Variants in FRY observed in about 807,000 individuals in gnomAD.
The protein encoded by FRY is protein furry homolog.
Under a neutral mutation model 348.4 loss-of-function variants are expected in FRY, and 128 were observed. The ratio of observed to expected loss-of-function variants is 0.37; its 90% confidence interval spans 0.32 to 0.43. The LOEUF (loss-of-function observed/expected upper bound fraction) is 0.43, where lower values mean the gene tolerates loss of function less well. Among genes scored for constraint, FRY ranks in the 20% least tolerant of loss-of-function variants. FRY has a pLI of 1.00. For missense variants in FRY, 2,736 were observed against 3,695.2 expected (o/e 0.74, Z 6.73); for synonymous variants, 1,370 against 1,374.7 (o/e 1.00, Z 0.08).
chr13:32,229,625 A>G (rs1432900123), intron 40 of FRY, among the ~76,000 whole-genome samples: 1 of 152,154 alleles, frequency 6.6e-6, no homozygotes, highest in Non-Finnish European at 1.5e-5. Context: ...GTCACCACTC[A>G]CCATCTGTCA....
intron 44 of FRY, 59 bp downstream of exon 44, chr13:32,238,045 G>T (rs1886307490): frequency 2.5e-6 from 4 of 1,579,334 alleles, no homozygotes; most frequent in Non-Finnish European, 3.5e-6. Context: ...TCATCATTTG[G>T]TACAATAAGA....
chr13:32,080,940 C>G (rs1875444885), intron 2 of FRY, among the ~76,000 whole-genome samples: 1 of 152,174 alleles, frequency 6.6e-6, no homozygotes, highest in Admixed American at 6.5e-5. Flanking sequence ...GGTCCTGACA[C>G]CTTTTCAACC....
Position 32,234,567 on chromosome 13 carries a change from A to C in FRY, c.5528-7A>C. 6.2e-7 allele frequency: 1 copy of C among 1,613,338 alleles called. No individual in the cohort carries two copies. Among genetic ancestry groups the C allele is most frequent in the Non-Finnish European group, 8.5e-7 (1 of 1,179,726 alleles). On this transcript the variant is annotated splice_polypyrimidine_tract_variant and splice_region_variant and intron_variant, in intron 41 of 60. Coordinates refer to ENST00000542859, the MANE Select transcript of FRY (RefSeq NM_023037.3). ...ACTGACCTATTCTGTGGCTCTTGTT[A>C]CCCTAGGCTTCCATCTGGAGCACCA... is the stretch of plus-strand genomic sequence containing the variant.
chr13:32,260,897 G>A (rs1207652662), intron 51 of FRY, among the ~76,000 whole-genome samples: 1 of 152,206 alleles, frequency 6.6e-6, no homozygotes, highest in Non-Finnish European at 1.5e-5. Context: ...TTGGGAGGCC[G>A]AGGCAGGTGG....
chr13:32,278,859 T>G (rs888895782), intron 58 of FRY, among the ~76,000 whole-genome samples: 4 of 152,260 alleles, frequency 2.6e-5, no homozygotes, highest in Non-Finnish European at 5.9e-5. Context: ...CAAATTTCAT[T>G]AATTCTTCAC....
intron 59 of FRY, among the ~76,000 whole-genome samples, chr13:32,292,259 A>G (rs1889412431): frequency 6.6e-6 from 1 of 152,072 alleles, no homozygotes; most frequent in Admixed American, 6.6e-5. Flanking sequence ...CTGGGATTAC[A>G]GGCATGAACC....
chr13:32,217,770 T>C (rs1264072677), intron 35 of FRY, among the ~76,000 whole-genome samples: 1 of 152,238 alleles, frequency 6.6e-6, no homozygotes, highest in African/African-American at 2.4e-5. Context: ...ATCTCAAAGA[T>C]GAGTGAGCAA....
intron 4 of FRY, among the ~76,000 whole-genome samples, chr13:32,123,955 C>G (rs540202593): frequency 3.3e-5 from 5 of 152,140 alleles, no homozygotes; most frequent in Admixed American, 1.3e-4. Context: ...CTGCTTCAGC[C>G]TCTCAAGTAG....
At chr13:32,248,885 G>C (rs1886934753) in intron 48 of FRY, among the ~76,000 whole-genome samples, 1 of 152,158 alleles carries the variant, frequency 6.6e-6, no homozygotes. Context: ...CCAGAATGAT[G>C]GGTCTCAGGA....
chr13:32,120,710 G>A (rs1050276614), intron 4 of FRY, among the ~76,000 whole-genome samples: 13 of 152,162 alleles, frequency 8.5e-5, no homozygotes, highest in African/African-American at 3.1e-4. Context: ...CACCAAGGCT[G>A]GAGTGCAATG....
intron 50 of FRY, 105 bp from the exon 51 acceptor site, chr13:32,254,119 G>T: frequency 1.0e-6 from 1 of 970,934 alleles, no homozygotes; most frequent in Admixed American, 1.7e-5. Context: ...GAAGGAATTA[G>T]GTGTGTACTG....
At chr13:32,276,353 G>T in intron 56 of FRY, 111 bp from the exon 57 acceptor site, 1 of 726,464 alleles carries the variant, frequency 1.4e-6, no homozygotes. Context: ...TAAAATGGAT[G>T]ACACTTGTAC....
At chr13:32,275,666 G>A (rs571590680) in intron 56 of FRY, among the ~76,000 whole-genome samples, 6 of 152,252 alleles carry the variant, frequency 3.9e-5, no homozygotes, top group African/African-American at 1.4e-4. Context: ...CAGTCGGATG[G>A]GTCTTCAGAG....
rs1043296701 is a variant in FRY at position 32,234,430 on chromosome 13, GA to G, written c.5528-134del. 1.4e-3 allele frequency: 963 copies of G among 683,172 alleles called. 1 individual carries two copies. Among genetic ancestry groups the G allele is most frequent in the Non-Finnish European group, 1.5e-3 (585 of 389,178 alleles). 42.3% of individuals were successfully genotyped at this position (683,172 alleles called of 1,614,324 possible). On this transcript the variant is annotated intron_variant, in intron 41 of 60. Coordinates refer to ENST00000542859, the MANE Select transcript of FRY (RefSeq NM_023037.3). ...AGAGTGAGACCCTGTCTCAAAAAGAGAAAAAAAAAATGGTTGACTTGTAAAT... is the reference window on the plus strand; with the variant it reads ...AGAGTGAGACCCTGTCTCAAAAAGAGAAAAAAAAATGGTTGACTTGTAAAT...
intron 18 of FRY, among the ~76,000 whole-genome samples, chr13:32,172,556 T>C (rs1882153051): frequency 6.6e-6 from 1 of 152,230 alleles, no homozygotes; most frequent in Non-Finnish European, 1.5e-5. Flanking sequence ...AGGAGGAGTG[T>C]TGTCAGAGGA....
intron 26 of FRY, 85 bp from the exon 27 acceptor site, chr13:32,186,175 C>A: frequency 9.4e-7 from 1 of 1,064,384 alleles, no homozygotes; most frequent in South Asian, 1.3e-5. Flanking sequence ...GAAGTGGTTC[C>A]TTTCCTCAAA....
chr13:32,054,857 G>A lies in FRY; in HGVS notation c.70+22992G>A, dbSNP rs374419538. Among the ~76,000 whole-genome samples, 30 of 151,982 alleles carry A rather than the reference G, an allele frequency of 2.0e-4. 1 individual carries two copies. Among genetic ancestry groups the A allele is most frequent in the East Asian group, 1.8e-3 (9 of 5,134 alleles). On this transcript the variant is annotated intron_variant, in intron 1 of 60. Coordinates refer to ENST00000542859, the MANE Select transcript of FRY (RefSeq NM_023037.3). Reference sequence around the variant, plus strand: ...GCCACTGCACTCCAGCCTGGGCGACGGAGCGAGACTCCGTCTCAAAAATAC... The same window carrying A: ...GCCACTGCACTCCAGCCTGGGCGACAGAGCGAGACTCCGTCTCAAAAATAC...
chr13:32,199,916 C>G (rs1883903848), intron 29 of FRY, among the ~76,000 whole-genome samples: 1 of 152,128 alleles, frequency 6.6e-6, no homozygotes, highest in Non-Finnish European at 1.5e-5. Flanking sequence ...ATAGAGAAAG[C>G]AATTTATTCC....
intron 17 of FRY, among the ~76,000 whole-genome samples, chr13:32,163,422 T>C (rs1881563029): frequency 6.6e-6 from 1 of 152,170 alleles, no homozygotes; most frequent in Non-Finnish European, 1.5e-5. Context: ...CCTTTTCCCA[T>C]GGTAAAATTT....
Sources: allele counts gnomAD v4.1 joint callset (sites outside exome capture counted in the v4.1 genomes callset), GRCh38; gene constraint gnomAD v4.1.1; transcripts MANE v1.5; gene names NCBI Gene and HGNC (gene_info 2026-07-23, HGNC 2026-07-21).